CHRM3: variants seen among roughly 807,000 people sequenced by gnomAD.
The protein encoded by CHRM3 is muscarinic acetylcholine receptor M3.
A neutral mutation model predicts 41.8 loss-of-function variants in CHRM3; 11 were observed. The ratio of observed to expected loss-of-function variants is 0.26; its 90% CI spans 0.17 to 0.44. The LOEUF (loss-of-function observed/expected upper bound fraction) is 0.44. Among genes scored for constraint, CHRM3 ranks in the 20% least tolerant of loss-of-function variants. The pLI is 1.00. For missense variants in CHRM3, 571 were observed against 745.4 expected (o/e 0.77, Z 2.72); for synonymous variants, 297 against 301.4 (o/e 0.99, Z 0.15).
At position 239,907,759 on chromosome 1, in the gene CHRM3, A is replaced by G. The variant is rs777454212; in HGVS notation, c.308A>G (p.Asn103Ser). 6.2e-6 allele frequency: 10 copies of G among 1,614,104 alleles called. No homozygotes were observed. Among genetic ancestry groups the G allele is most frequent in the Non-Finnish European group, 8.5e-6 (10 of 1,180,048 alleles). The change falls in exon 7 of 7, where the codon AAC (asparagine) becomes AGC (serine). Residue 103 changes from asparagine to serine, a missense_variant. Coordinates refer to ENST00000676153, the MANE Select transcript of CHRM3 (RefSeq NM_001375978.1). The surrounding 1 kb of genome is among the most constrained non-coding windows in gnomAD (Gnocchi z 5.4). ...GTCAACAAGCAGCTGAAGACGGTCA[A>G]CAACTACTTCCTCTTAAGCCTGGCC... ...FKVNKQLKTV[N>S]NYFLLSLACA...
At chr1:239,460,904 A>C (rs2147877750) in intron 1 of CHRM3, among the ~76,000 whole-genome samples, 1 of 152,342 alleles carries the variant, frequency 6.6e-6, no homozygotes, top group Non-Finnish European at 1.5e-5. Flanking sequence ...AAACTTCCAT[A>C]GTTCCTCATA....
chr1:239,415,310 C>T (rs555167064), intron 1 of CHRM3, among the ~76,000 whole-genome samples: 29 of 152,138 alleles, frequency 1.9e-4, no homozygotes, highest in African/African-American at 5.3e-4. Flanking sequence ...CATGGTGGCA[C>T]GTGCCTGTAA....
chr1:239,806,896 G>A (rs1464820318), intron 5 of CHRM3, among the ~76,000 whole-genome samples: 1 of 152,184 alleles, frequency 6.6e-6, no homozygotes, highest in Non-Finnish European at 1.5e-5. Flanking sequence ...GTTCACAGAA[G>A]AATTCCAAAG....
intron 5 of CHRM3, among the ~76,000 whole-genome samples, chr1:239,700,528 C>G (rs1454198881): frequency 6.6e-6 from 1 of 152,094 alleles, no homozygotes; most frequent in African/African-American, 2.4e-5. Flanking sequence ...CACTTGATAA[C>G]CCCTCAGAAC....
At chr1:239,568,773 C>A (rs186294202) in intron 3 of CHRM3, among the ~76,000 whole-genome samples, 2 of 152,268 alleles carry the variant, frequency 1.3e-5, no homozygotes, top group East Asian at 3.9e-4. Context: ...TTTCCTAGAT[C>A]CTGTACTGCC....
At chr1:239,510,520 C>A (rs556763813) in intron 2 of CHRM3, among the ~76,000 whole-genome samples, 1 of 151,842 alleles carries the variant, frequency 6.6e-6, no homozygotes, top group Admixed American at 6.6e-5. Context: ...GTACCTGGAG[C>A]AGATACTAAC....
intron 6 of CHRM3, among the ~76,000 whole-genome samples, chr1:239,834,274 C>CTACCATAA (rs1412756267): frequency 6.7e-6 from 1 of 149,206 alleles, no homozygotes; most frequent in Non-Finnish European, 1.5e-5. Flanking sequence ...ACTCAACTCT[C>CTACCATAA]TACCATAATA....
chr1:239,664,269 G>A (rs2149028469), intron 4 of CHRM3, among the ~76,000 whole-genome samples: 1 of 152,262 alleles, frequency 6.6e-6, no homozygotes, highest in South Asian at 2.1e-4. Flanking sequence ...CATGTGCATA[G>A]CTTGGGAAGG....
At chr1:239,406,473 G>T (rs768907913) in intron 1 of CHRM3, among the ~76,000 whole-genome samples, 6 of 152,150 alleles carry the variant, frequency 3.9e-5, no homozygotes, top group Non-Finnish European at 7.4e-5. Flanking sequence ...AATGAACTAT[G>T]AACCAAAGTT....
At chr1:239,618,282 T>C (rs1269773721) in intron 3 of CHRM3, among the ~76,000 whole-genome samples, 2 of 141,204 alleles carry the variant, frequency 1.4e-5, no homozygotes, top group Non-Finnish European at 1.5e-5. Flanking sequence ...TCTTTCTTTT[T>C]TTTTTTTTTT....
At chr1:239,511,064 A>AC (rs1668887604) in intron 2 of CHRM3, among the ~76,000 whole-genome samples, 1 of 152,196 alleles carries the variant, frequency 6.6e-6, no homozygotes, top group Non-Finnish European at 1.5e-5. Context: ...AAAGAAAAGT[A>AC]CCACAGGCAA....
chr1:239,769,904 T>C (rs1572236093), intron 5 of CHRM3, among the ~76,000 whole-genome samples: 4 of 151,938 alleles, frequency 2.6e-5, no homozygotes, highest in African/African-American at 9.6e-5. Flanking sequence ...ATTATTTGCG[T>C]TGGGCTCACC....
intron 6 of CHRM3, among the ~76,000 whole-genome samples, chr1:239,881,275 T>A: frequency 2.8e-5 from 1 of 35,628 alleles, no homozygotes; most frequent in South Asian, 1.4e-3. Flanking sequence ...AGAGTGAGAC[T>A]CCGTCTCAAA....
Position 239,797,557 on chromosome 1 carries a change from C to T in CHRM3, c.-146-29695C>T, listed in dbSNP as rs375909232. 7.2e-5 allele frequency among the ~76,000 whole-genome samples: 11 copies of T among 152,194 alleles called. No homozygotes were observed. The South Asian group carries it at 2.3e-3, about 32-fold the overall frequency. On this transcript the variant is annotated intron_variant, in intron 5 of 6. Transcript: ENST00000676153. Reference sequence around the variant, plus strand: ...TTGATGACTGTTTCTCAGTGTGTAGCGTACAAAAGAGCAGCAGTAGTTTGT... The same window carrying T: ...TTGATGACTGTTTCTCAGTGTGTAGTGTACAAAAGAGCAGCAGTAGTTTGT...
intron 3 of CHRM3, among the ~76,000 whole-genome samples, chr1:239,573,747 C>CA (rs1662043104): frequency 6.6e-6 from 1 of 152,064 alleles, no homozygotes; most frequent in Non-Finnish European, 1.5e-5. Context: ...AACAATTTCA[C>CA]AAAAAGCAAG....
At chr1:239,475,275 A>G (rs141734993) in intron 1 of CHRM3, among the ~76,000 whole-genome samples, 269 of 152,262 alleles carry the variant, frequency 1.8e-3, no homozygotes, top group African/African-American at 6.2e-3. Context: ...TAGTAAAACA[A>G]TAATGTTCAA....
At chr1:239,843,262 T>C (rs546424011) in intron 6 of CHRM3, among the ~76,000 whole-genome samples, 1 of 152,282 alleles carries the variant, frequency 6.6e-6, no homozygotes, top group Non-Finnish European at 1.5e-5. Context: ...CTTCAAATCC[T>C]AGCACAAGTG....
At chr1:239,483,445 A>G (rs1394371795) in intron 1 of CHRM3, among the ~76,000 whole-genome samples, 1 of 152,164 alleles carries the variant, frequency 6.6e-6, no homozygotes, top group Non-Finnish European at 1.5e-5. Flanking sequence ...GGACTTCCCT[A>G]TAAGGTTGAG....
At position 239,910,522 on chromosome 1, in the gene CHRM3, C is replaced by T. The variant is rs573126850; in HGVS notation, c.*1298C>T. The T allele has an allele frequency of 1.8e-5, 3 of 166,742 alleles. No homozygotes were observed. The East Asian group carries it at 5.8e-4, about 32-fold the overall frequency. 10.3% of individuals were successfully genotyped at this position (166,742 alleles called of 1,614,324 possible). A position where few individuals can be genotyped will look rare whatever the true frequency, so the allele number is the denominator to read the frequency against. On this transcript the variant is annotated 3_prime_UTR_variant, in exon 7 of 7. Coordinates refer to ENST00000676153, the MANE Select transcript of CHRM3 (RefSeq NM_001375978.1). ...GGTGAGGTTTTAGGAAGTTACATGT[C>T]CTCTGAAGAAAGAATTACACTCTGA...
Sources: gnomAD v4.1 joint callset for allele counts (sites outside exome capture counted in the v4.1 genomes callset) on GRCh38, gnomAD v4.1.1 for gene constraint, Gnocchi (gnomAD v3.1) non-coding constraint, MANE v1.5 for transcripts, NCBI Gene and HGNC (gene_info 2026-07-23, HGNC 2026-07-21) for gene names.